Variants in DLC1 observed in about 807,000 individuals in gnomAD.
DLC1 encodes rho GTPase-activating protein 7.
In DLC1, 54 loss-of-function variants were observed where a neutral mutation model predicts 140.3. The observed-to-expected ratio is 0.38, with a 90% CI of 0.31 to 0.48. DLC1 has a LOEUF of 0.48. Among genes scored for constraint, DLC1 ranks in the 20% least tolerant of loss-of-function variants. The pLI, the probability that DLC1 is intolerant of heterozygous loss-of-function variation, is 0.96. For synonymous variants in DLC1, 986 were observed against 728.1 expected, an observed-to-expected ratio of 1.35 and a Z score of -5.70; for missense variants, 2,536 against 1,907.0, an observed-to-expected ratio of 1.33 and a Z score of -6.14.
intron 5 of DLC1, among the ~76,000 whole-genome samples, chr8:13,181,185 G>C (rs527950121): frequency 6.6e-6 from 1 of 151,944 alleles, no homozygotes; most frequent in Non-Finnish European, 1.5e-5. Context: ...CCTGAGATTT[G>C]CTCTCACTCC....
At chr8:13,193,931 A>G (rs898480105) in intron 5 of DLC1, among the ~76,000 whole-genome samples, 35 of 152,210 alleles carry the variant, frequency 2.3e-4, no homozygotes, top group Non-Finnish European at 1.2e-4. Context: ...AAAAATCCAC[A>G]TGCATGCTTG....
intron 4 of DLC1, among the ~76,000 whole-genome samples, chr8:13,355,464 T>G (rs1193043635): frequency 6.6e-6 from 1 of 152,202 alleles, no homozygotes; most frequent in Admixed American, 6.5e-5. Flanking sequence ...ACTGGAAGTT[T>G]CAGATCAAGG....
chr8:13,221,471 A>G (rs1012423073), intron 5 of DLC1, among the ~76,000 whole-genome samples: 1 of 151,460 alleles, frequency 6.6e-6, no homozygotes, highest in East Asian at 1.9e-4. Flanking sequence ...CCTGGGTTCA[A>G]GCTATTCTCC....
chr8:13,138,609 C>G (rs894975679), intron 5 of DLC1, among the ~76,000 whole-genome samples: 1 of 152,104 alleles, frequency 6.6e-6, no homozygotes, highest in Non-Finnish European at 1.5e-5. Context: ...AAAGGACATA[C>G]GACAAAGAAT....
intron 1 of DLC1, among the ~76,000 whole-genome samples, chr8:13,565,178 A>C (rs893021719): frequency 6.6e-6 from 1 of 152,178 alleles, no homozygotes; most frequent in African/African-American, 2.4e-5. Context: ...TAATTATAGA[A>C]TTTCCCACCC....
intron 1 of DLC1, among the ~76,000 whole-genome samples, chr8:13,529,052 A>G (rs1209526975): frequency 6.6e-6 from 1 of 152,226 alleles, no homozygotes; most frequent in Non-Finnish European, 1.5e-5. Flanking sequence ...AGTGACATTT[A>G]TTACTCAACG....
At position 13,591,236 on chromosome 8, in the gene DLC1, A is replaced by G. The variant is rs565178745; in HGVS notation, c.-126+13301T>C. Among the ~76,000 whole-genome samples, 12 of 152,256 alleles carry G rather than the reference A, an allele frequency of 7.9e-5. No homozygotes were observed. In the East Asian group the frequency reaches 1.9e-3, roughly 25 times the overall value. On this transcript the variant is annotated intron_variant, in intron 1 of 1. Coordinates refer to the DLC1 transcript ENST00000631382. ...CTCATTTTTTATTGCAAGGAGGGTG[A>G]TATGGTTTGGCTTTGTGTCCTCACC...
chr8:13,544,197 AACAC>A (rs3988455), intron 1 of DLC1, among the ~76,000 whole-genome samples: 19,024 of 144,748 alleles, frequency 0.13, 1,439 homozygotes, highest in Admixed American at 0.21. Flanking sequence ...CACACACACA[AACAC>A]ACACACACAC....
chr8:13,154,868 T>C (rs563624001), intron 5 of DLC1, among the ~76,000 whole-genome samples: 2 of 152,168 alleles, frequency 1.3e-5, no homozygotes, highest in African/African-American at 4.8e-5. Context: ...CTATTAAAAT[T>C]TTGATAGGTA....
chr8:13,591,262 C>G (rs972967336), intron 1 of DLC1, among the ~76,000 whole-genome samples: 2 of 152,082 alleles, frequency 1.3e-5, no homozygotes, highest in African/African-American at 2.4e-5. Flanking sequence ...TGTCCTCACC[C>G]AAACCTCATC....
chr8:13,562,805 A>G (rs1804287803), intron 1 of DLC1, among the ~76,000 whole-genome samples: 2 of 152,306 alleles, frequency 1.3e-5, no homozygotes, highest in Non-Finnish European at 1.5e-5. Flanking sequence ...TGAATAAAAT[A>G]CATTACATTT....
At chr8:13,580,551 C>T (rs553128912) in intron 1 of DLC1, among the ~76,000 whole-genome samples, 5 of 152,278 alleles carry the variant, frequency 3.3e-5, no homozygotes, top group South Asian at 2.1e-4. Flanking sequence ...GCCTGGACTT[C>T]CTGCTCACTG....
chr8:13,422,402 C>A (rs1563333669), intron 2 of DLC1, among the ~76,000 whole-genome samples: 1 of 145,662 alleles, frequency 6.9e-6, no homozygotes, highest in South Asian at 2.2e-4. Flanking sequence ...TCAGAGATTG[C>A]TTTTTTTTTT....
intron 4 of DLC1, among the ~76,000 whole-genome samples, chr8:13,390,931 G>C (rs999862831): frequency 2.0e-5 from 3 of 148,968 alleles, no homozygotes; most frequent in African/African-American, 7.4e-5. Context: ...CTCGCAGTGA[G>C]CTGAGATTGC....
At chr8:13,219,565 CAA>C (rs1181935990) in intron 5 of DLC1, among the ~76,000 whole-genome samples, 1 of 151,268 alleles carries the variant, frequency 6.6e-6, no homozygotes, top group Non-Finnish European at 1.5e-5. Context: ...AATTCTGACT[CAA>C]ATTCAAATTT....
chr8:13,493,510 A>AT (rs1801359261), intron 2 of DLC1, among the ~76,000 whole-genome samples: 1 of 152,192 alleles, frequency 6.6e-6, no homozygotes, highest in Non-Finnish European at 1.5e-5. Flanking sequence ...GATCTGGGTA[A>AT]TTAGAAGAGC....
chr8:13,407,744 C>T (rs902587137), intron 2 of DLC1, among the ~76,000 whole-genome samples: 5 of 152,198 alleles, frequency 3.3e-5, no homozygotes, highest in African/African-American at 1.2e-4. Flanking sequence ...ATGCTGTCTT[C>T]AATTCCATAT....
intron 5 of DLC1, among the ~76,000 whole-genome samples, chr8:13,271,068 C>G (rs1022259086): frequency 6.6e-6 from 1 of 152,186 alleles, no homozygotes; most frequent in Non-Finnish European, 1.5e-5. Flanking sequence ...AATATATTCT[C>G]TCATCAAAGC....
Position 13,327,417 on chromosome 8 carries a change from C to T in DLC1, c.1315-22115G>A, listed in dbSNP as rs573270628. ...AATTACATTTTGCTAGTGTTTTGTG[C>T]CCATACTTATTAAAGCATAAAACAT... On this transcript the variant is annotated intron_variant, in intron 4 of 17. Coordinates refer to ENST00000276297, the MANE Select transcript of DLC1 (RefSeq NM_182643.3). Among the ~76,000 whole-genome samples, 7 of 151,926 alleles carry T rather than the reference C, an allele frequency of 4.6e-5. No homozygotes were observed. In the South Asian group the frequency reaches 8.3e-4, roughly 18 times the overall value.
Sources: gnomAD v4.1 joint callset for allele counts (sites outside exome capture counted in the v4.1 genomes callset) on GRCh38, gnomAD v4.1.1 for gene constraint, MANE v1.5 for transcripts, NCBI Gene and HGNC (gene_info 2026-07-23, HGNC 2026-07-21) for gene names.